The following ADAMTSL1 variants were observed in gnomAD, a reference collection of about 807,000 sequenced individuals.
ADAMTSL1 encodes ADAMTS-like protein 1.
ADAMTSL1 carries 126 observed loss-of-function variants against 201.8 expected under a neutral mutation model. That is an observed-to-expected ratio of 0.62 (90% CI 0.54 to 0.72). The LOEUF is 0.72. Ranked by LOEUF, ADAMTSL1 falls within the 30% of genes least tolerant of loss-of-function variation. ADAMTSL1 has a pLI of 0.00. For missense variants in ADAMTSL1, 2,679 were observed against 2,277.8 expected (o/e 1.18, Z -3.59); for synonymous variants, 1,121 against 903.4 (o/e 1.24, Z -4.32).
chr9:17,955,444 A>G (rs1250619825), intron 1 of ADAMTSL1, among the ~76,000 whole-genome samples: 1 of 152,158 alleles, frequency 6.6e-6, no homozygotes, highest in African/African-American at 2.4e-5. Flanking sequence ...CAAATTTAGG[A>G]CTGTAGTTAA....
At chr9:18,674,757 C>T (rs539121765) in intron 9 of ADAMTSL1, among the ~76,000 whole-genome samples, 1 of 152,066 alleles carries the variant, frequency 6.6e-6, no homozygotes, top group Non-Finnish European at 1.5e-5. Context: ...TCCTTCAATA[C>T]CCCAAAGAGG....
intron 2 of ADAMTSL1, among the ~76,000 whole-genome samples, chr9:18,210,458 T>A (rs1343890979): frequency 6.8e-6 from 1 of 147,042 alleles, no homozygotes; most frequent in East Asian, 1.9e-4. Context: ...TTAATAAATA[T>A]ATATTAATTA....
intron 2 of ADAMTSL1, among the ~76,000 whole-genome samples, chr9:18,376,755 A>G (rs1051678645): frequency 6.6e-6 from 1 of 152,176 alleles, no homozygotes; most frequent in African/African-American, 2.4e-5. Context: ...GCAGTGAGCC[A>G]AGATCGCATC....
intron 5 of ADAMTSL1, among the ~76,000 whole-genome samples, chr9:18,625,955 T>G (rs1206427576): frequency 4.6e-5 from 7 of 152,224 alleles, no homozygotes; most frequent in African/African-American, 1.4e-4. Flanking sequence ...AAACATATTC[T>G]TGGACTATCA....
intron 1 of ADAMTSL1, among the ~76,000 whole-genome samples, chr9:18,126,708 G>A (rs984644469): frequency 6.6e-6 from 1 of 152,094 alleles, no homozygotes; most frequent in Non-Finnish European, 1.5e-5. Flanking sequence ...CGGAGATGGA[G>A]GCAGACAGGT....
intron 1 of ADAMTSL1, among the ~76,000 whole-genome samples, chr9:18,057,052 C>T (rs1822223751): frequency 6.6e-6 from 1 of 152,348 alleles, no homozygotes; most frequent in African/African-American, 2.4e-5. Context: ...CATCTGGAAA[C>T]ATCCAGCTAG....
At chr9:17,950,420 C>T (rs948101072) in intron 1 of ADAMTSL1, among the ~76,000 whole-genome samples, 1 of 151,930 alleles carries the variant, frequency 6.6e-6, no homozygotes, top group African/African-American at 2.4e-5. Context: ...TATTCCCATC[C>T]TTTCCCAGAA....
chr9:18,019,957 A>G (rs907934060), intron 1 of ADAMTSL1, among the ~76,000 whole-genome samples: 1 of 152,102 alleles, frequency 6.6e-6, no homozygotes, highest in African/African-American at 2.4e-5. Flanking sequence ...ACTATGCACC[A>G]GTGACTTCCT....
rs568626786 is a variant in ADAMTSL1 at position 18,193,127 on chromosome 9, T to A, written c.207+29146T>A. The stretch of plus-strand genomic sequence containing the variant: ...CTAAATAAATAAATAAAGCTGCTCT[T>A]GTTTGGGTTTCCCATTCCTCTCAGA... On this transcript the variant is annotated intron_variant, in intron 2 of 29. Coordinates refer to the ADAMTSL1 transcript ENST00000680146. Among the ~76,000 whole-genome samples, 142 of 152,256 alleles carry A rather than the reference T, an allele frequency of 9.3e-4. 1 individual carries two copies. Among genetic ancestry groups the A allele is most frequent in the African/African-American group, 3.3e-3 (138 of 41,566 alleles).
At chr9:18,332,751 G>T (rs1835084387) in intron 2 of ADAMTSL1, among the ~76,000 whole-genome samples, 1 of 152,130 alleles carries the variant, frequency 6.6e-6, no homozygotes, top group Non-Finnish European at 1.5e-5. Context: ...ATTTCCCTAG[G>T]TGAAACTGCA....
At chr9:18,197,686 A>G (rs981916705) in intron 2 of ADAMTSL1, among the ~76,000 whole-genome samples, 7 of 150,692 alleles carry the variant, frequency 4.6e-5, no homozygotes, top group South Asian at 2.1e-4. Flanking sequence ...TCTCCTGCCT[A>G]ATTGCCCTGG....
chr9:18,764,863 A>T (rs531977389), intron 16 of ADAMTSL1, among the ~76,000 whole-genome samples: 1 of 152,226 alleles, frequency 6.6e-6, no homozygotes, highest in Non-Finnish European at 1.5e-5. Flanking sequence ...TTTTATCAAC[A>T]TGTTGTTACA....
intron 2 of ADAMTSL1, among the ~76,000 whole-genome samples, chr9:18,315,635 C>A (rs1308077270): frequency 1.3e-5 from 2 of 152,106 alleles, no homozygotes; most frequent in Non-Finnish European, 2.9e-5. Context: ...GCGGGGCCCA[C>A]CGATCCCGCG....
chr9:18,476,783 A>G (rs943159015), intron 1 of ADAMTSL1, among the ~76,000 whole-genome samples: 7 of 152,026 alleles, frequency 4.6e-5, no homozygotes, highest in Non-Finnish European at 7.4e-5. Flanking sequence ...CATCCTGTCT[A>G]TTTTGTGGCA....
intron 1 of ADAMTSL1, among the ~76,000 whole-genome samples, chr9:18,127,613 G>T (rs1825793360): frequency 6.6e-6 from 1 of 152,090 alleles, no homozygotes; most frequent in South Asian, 2.1e-4. Context: ...GATACATCCA[G>T]TTTAGACATT....
Position 18,887,912 on chromosome 9 carries a change from C to T in ADAMTSL1, c.4331C>T (p.Thr1444Met), listed in dbSNP as rs746243673. 26 of 1,613,878 alleles carry T rather than the reference C, an allele frequency of 1.6e-5. No individual in the cohort carries two copies. The highest frequency in any genetic ancestry group is 7.7e-5 in the South Asian group (7 of 91,066). ...GQPIVTATGL[T>M]HHILAAGQIL... ...CCAATTGTCACTGCCACAGGACTGACGCATCACATCTTGGCAGCTGGACAG... is the reference window on the plus strand; with the variant it reads ...CCAATTGTCACTGCCACAGGACTGATGCATCACATCTTGGCAGCTGGACAG... Residue 1444 changes from threonine to methionine, a missense_variant, in exon 24 of 29, where the codon ACG becomes ATG. Transcript: ENST00000380548.
chr9:18,596,170 A>T (rs75565830), intron 4 of ADAMTSL1, among the ~76,000 whole-genome samples: 15,276 of 152,226 alleles, frequency 0.1, 975 homozygotes, highest in Middle Eastern at 0.19. Context: ...ATCAATTTTT[A>T]AAAAAGTTCT....
At chr9:18,177,512 G>T (rs1315149688) in intron 2 of ADAMTSL1, among the ~76,000 whole-genome samples, 1 of 152,124 alleles carries the variant, frequency 6.6e-6, no homozygotes, top group Non-Finnish European at 1.5e-5. Flanking sequence ...AAACTTTCCA[G>T]AGATAGAAAT....
chr9:18,032,650 G>C (rs1486884569), intron 1 of ADAMTSL1, among the ~76,000 whole-genome samples: 1 of 152,194 alleles, frequency 6.6e-6, no homozygotes, highest in African/African-American at 2.4e-5. Flanking sequence ...TTGTGGTTCC[G>C]TTTTGCTGTA....
Sources: gnomAD v4.1 joint callset for allele counts (sites outside exome capture counted in the v4.1 genomes callset) on GRCh38, gnomAD v4.1.1 for gene constraint, MANE v1.5 for transcripts, NCBI Gene and HGNC (gene_info 2026-07-23, HGNC 2026-07-21) for gene names.